Variants in STK24 observed in about 807,000 individuals in gnomAD.
The protein encoded by STK24 is serine/threonine-protein kinase 24.
In STK24, 21 loss-of-function variants were observed where a neutral mutation model predicts 55.6. That is an observed-to-expected ratio of 0.38 (90% CI 0.27 to 0.54). STK24 has a LOEUF of 0.54. Among genes scored for constraint, STK24 ranks in the 20% least tolerant of loss-of-function variants. The pLI is 0.79. For missense variants in STK24, 383 were observed against 538.4 expected, an observed-to-expected ratio of 0.71 and a Z score of 2.86; for synonymous variants, 200 against 215.2, an observed-to-expected ratio of 0.93 and a Z score of 0.62.
In STK24 at chr13:98,519,350, C is replaced by T; in HGVS notation, c.166G>A (p.Asp56Asn). 6.2e-7 allele frequency: 1 copy of T among 1,614,226 alleles called. No individual in the cohort carries two copies. Among genetic ancestry groups the T allele is most frequent in the Non-Finnish European group, 8.5e-7 (1 of 1,180,042 alleles). ...ATCTCATCTTCAGCTTCTTCCAGAT[C>T]AATGATCTTTATGGCAACCACTTTC... ...TQKVVAIKII[D>N]LEEAEDEIED... Residue 56 changes from aspartate (D) to asparagine (N), a missense_variant, in exon 2 of 11, where the codon GAT becomes AAT. Transcript: ENST00000539966.
At chr13:98,542,816 T>A in intron 1 of STK24, 2 of 984,880 alleles carry the variant, frequency 2.0e-6, no homozygotes, top group Non-Finnish European at 2.4e-6. Flanking sequence ...ACTTTCTCCA[T>A]CTACACGTCC....
At chr13:98,558,047 C>A (rs1285233595) in intron 1 of STK24, among the ~76,000 whole-genome samples, 1 of 152,154 alleles carries the variant, frequency 6.6e-6, no homozygotes, top group Non-Finnish European at 1.5e-5. Context: ...CTTATACTTC[C>A]ATAAATGCAT....
At chr13:98,463,580 T>C (rs1294799121) in intron 7 of STK24, 111 bp downstream of exon 7, 3 of 1,178,812 alleles carry the variant, frequency 2.5e-6, no homozygotes, top group Admixed American at 4.2e-5. Flanking sequence ...CAACCTGGAT[T>C]GTCTAAAAAA....
intron 2 of STK24, chr13:98,508,892 C>A (rs1484895777): frequency 7.0e-6 from 1 of 142,044 alleles, no homozygotes. Context: ...GCTGTTTCAT[C>A]AGTTCTCAAA....
At chr13:98,544,409 C>A (rs995608075) in intron 1 of STK24, among the ~76,000 whole-genome samples, 1 of 152,264 alleles carries the variant, frequency 6.6e-6, no homozygotes, top group African/African-American at 2.4e-5. Context: ...GCACTGTGGG[C>A]CCCAGGCAAC....
intron 1 of STK24, among the ~76,000 whole-genome samples, chr13:98,532,664 G>A (rs1469924337): frequency 2.6e-5 from 4 of 152,172 alleles, no homozygotes; most frequent in Admixed American, 6.5e-5. Flanking sequence ...GCTCCAAGAA[G>A]CTCAAAGAAT....
chr13:98,512,428 CG>C (rs1298524902), intron 2 of STK24, among the ~76,000 whole-genome samples: 2 of 151,896 alleles, frequency 1.3e-5, no homozygotes, highest in Non-Finnish European at 2.9e-5. Flanking sequence ...TGACTTAGAG[CG>C]AAACAGGTCA....
At chr13:98,479,774 A>G (rs1894516423) in intron 3 of STK24, among the ~76,000 whole-genome samples, 1 of 152,164 alleles carries the variant, frequency 6.6e-6, no homozygotes, top group African/African-American at 2.4e-5. Context: ...GAAAGAAGCA[A>G]AGACTGCAAC....
At chr13:98,462,540 C>A (rs560188393) in intron 7 of STK24, among the ~76,000 whole-genome samples, 1 of 152,112 alleles carries the variant, frequency 6.6e-6, no homozygotes, top group Admixed American at 6.5e-5. Context: ...TCCCGCCCCT[C>A]GGCCATACCT....
chr13:98,459,508 C>G (rs1274138958), intron 9 of STK24, among the ~76,000 whole-genome samples: 1 of 152,244 alleles, frequency 6.6e-6, no homozygotes, highest in African/African-American at 2.4e-5. Flanking sequence ...GGAAGAGGCA[C>G]TGGCAGGACC....
At chr13:98,501,019 TTTGAA>T (rs1260961809) in intron 2 of STK24, among the ~76,000 whole-genome samples, 1,408 of 4,154 alleles carry the variant, frequency 0.34, 19 homozygotes, top group African/African-American at 0.41. Flanking sequence ...TGTTTAAAAC[TTTGAA>T]ATGAAATGAG....
chr13:98,446,873 A>ACATCAGGATTTCTC lies in STK24; in HGVS notation c.*6286_*6299dup. 6.3e-7 allele frequency: 1 copy of ACATCAGGATTTCTC among 1,583,412 alleles called. No individual in the cohort carries two copies. The highest frequency in any genetic ancestry group is 8.7e-7 in the Non-Finnish European group (1 of 1,155,778). On this transcript the variant is annotated 3_prime_UTR_variant, in exon 11 of 11. Transcript: ENST00000539966. Reference sequence around the variant, plus strand: ...TGCAGAAGAGGACCCCCTCTTCCAAACATCAGGATTTCTCCCAAGTCAGCG... The same window carrying ACATCAGGATTTCTC: ...TGCAGAAGAGGACCCCCTCTTCCAAACATCAGGATTTCTCCATCAGGATTTCTCCCAAGTCAGCG...
chr13:98,463,005 G>A (rs117246782), intron 7 of STK24, among the ~76,000 whole-genome samples: 188 of 152,208 alleles, frequency 1.2e-3, no homozygotes, highest in Middle Eastern at 3.4e-3. Flanking sequence ...CTTTAAACTG[G>A]AATCACCTAG....
chr13:98,453,311 A>T, intron 10 of STK24, 102 bp from the exon 11 acceptor site: 1 of 1,237,792 alleles, frequency 8.1e-7, no homozygotes, highest in Non-Finnish European at 1.1e-6. Flanking sequence ...AGAAATTCCA[A>T]GTCATACAAA....
chr13:98,552,618 T>C (rs928734878), intron 1 of STK24, among the ~76,000 whole-genome samples: 2 of 152,146 alleles, frequency 1.3e-5, no homozygotes, highest in African/African-American at 4.8e-5. Flanking sequence ...CATTAGAATC[T>C]GACCTTGTGG....
intron 1 of STK24, among the ~76,000 whole-genome samples, chr13:98,571,379 C>CAT (rs1897735186): frequency 6.6e-6 from 1 of 152,160 alleles, no homozygotes; most frequent in Admixed American, 6.5e-5. Context: ...TGCCAGCCGC[C>CAT]ACCTGCCCAT....
intron 1 of STK24, among the ~76,000 whole-genome samples, chr13:98,551,285 C>CAAAAAA (rs35925473): frequency 1.7e-5 from 2 of 119,754 alleles, no homozygotes; most frequent in Admixed American, 8.8e-5. Context: ...GACTCTGTCT[C>CAAAAAA]AAAAAAAAAA....
chr13:98,567,512 C>CA (rs1897617493), intron 1 of STK24, among the ~76,000 whole-genome samples: 3 of 151,952 alleles, frequency 2.0e-5, no homozygotes, highest in Admixed American at 2.0e-4. Context: ...ATCTTGGGAC[C>CA]AAAAAAATGA....
intron 2 of STK24, among the ~76,000 whole-genome samples, chr13:98,511,884 G>A (rs1240192458): frequency 2.0e-5 from 3 of 148,822 alleles, no homozygotes; most frequent in Non-Finnish European, 4.4e-5. Flanking sequence ...ATACATCCAA[G>A]AGTGAGTTTT....
Sources: gnomAD v4.1 joint callset for allele counts (sites outside exome capture counted in the v4.1 genomes callset) on GRCh38, gnomAD v4.1.1 for gene constraint, MANE v1.5 for transcripts, NCBI Gene and HGNC (gene_info 2026-07-23, HGNC 2026-07-21) for gene names.